The following INTS9 variants were observed in gnomAD, a reference collection of about 807,000 sequenced individuals.
The protein encoded by INTS9 is protein related to CPSF subunits of 74 kDa.
A neutral mutation model predicts 79.7 loss-of-function variants in INTS9; 55 were observed. The observed-to-expected ratio is 0.69, with a 90% CI of 0.56 to 0.86. INTS9 has a LOEUF of 0.86. Among genes scored for constraint, INTS9 ranks in the 40% least tolerant of loss-of-function variants. The pLI is 0.00. For missense variants in INTS9, 721 were observed against 831.5 expected, an observed-to-expected ratio of 0.87 and a Z score of 1.64; for synonymous variants, 319 against 325.2, an observed-to-expected ratio of 0.98 and a Z score of 0.20.
At chr8:28,847,826 G>A (rs1179407010) in intron 3 of INTS9, among the ~76,000 whole-genome samples, 1 of 152,168 alleles carries the variant, frequency 6.6e-6, no homozygotes, top group Non-Finnish European at 1.5e-5. Flanking sequence ...CATACAACTT[G>A]GGGCAACTGG....
intron 6 of INTS9, among the ~76,000 whole-genome samples, chr8:28,822,564 G>GA (rs1441785531): frequency 2.6e-5 from 4 of 151,846 alleles, no homozygotes; most frequent in Admixed American, 6.6e-5. Context: ...GTTCTAAATT[G>GA]AAAGGGCCCA....
intron 2 of INTS9, among the ~76,000 whole-genome samples, chr8:28,854,393 C>T (rs754422028): frequency 6.6e-6 from 1 of 151,728 alleles, no homozygotes; most frequent in Non-Finnish European, 1.5e-5. Flanking sequence ...GACAGGGGTA[C>T]GCAGGAGGTG....
intron 13 of INTS9, 73 bp downstream of exon 13, chr8:28,777,756 C>T (rs1802979061): frequency 6.7e-7 from 1 of 1,492,686 alleles, no homozygotes; most frequent in Non-Finnish European, 8.9e-7. Context: ...TCTCTCTCCC[C>T]TCACCCCACA....
intron 12 of INTS9, among the ~76,000 whole-genome samples, chr8:28,779,155 A>G (rs1366963271): frequency 1.3e-5 from 2 of 152,190 alleles, no homozygotes; most frequent in African/African-American, 4.8e-5. Flanking sequence ...AGCAGGAGAC[A>G]CCAACCTCAG....
In INTS9 at chr8:28,790,944, A is replaced by C. The variant is rs146609977; in HGVS notation, c.1037+2863T>G. On this transcript the variant is annotated intron_variant, in intron 10 of 16. Coordinates refer to ENST00000521022, the MANE Select transcript of INTS9 (RefSeq NM_018250.4). ...GACAAAACCAAACTAAGCTAACCAC[A>C]CTTGCTGTATGAACCTACCCTTCCT... is the stretch of plus-strand genomic sequence containing the variant. Among the ~76,000 whole-genome samples, 313 of 152,216 alleles carry C rather than the reference A, an allele frequency of 2.1e-3. 1 individual carries two copies. Among genetic ancestry groups the C allele is most frequent in the African/African-American group, 7.2e-3 (299 of 41,532 alleles).
intron 1 of INTS9, among the ~76,000 whole-genome samples, chr8:28,884,168 CTTTTTTTTTTTT>C (rs35799882): frequency 7.1e-3 from 334 of 46,986 alleles, no homozygotes; most frequent in Middle Eastern, 0.029. Context: ...ATCAGTGTAT[CTTTTTTTTTTTT>C]TTTTTTTTTT....
chr8:28,850,126 G>T, intron 3 of INTS9, 87 bp downstream of exon 3: 2 of 971,904 alleles, frequency 2.1e-6, no homozygotes, highest in African/African-American at 1.7e-5. Flanking sequence ...AAAGCCATCA[G>T]TCACACTACT....
intron 8 of INTS9, among the ~76,000 whole-genome samples, chr8:28,807,054 A>G (rs1804854463): frequency 6.6e-6 from 1 of 152,244 alleles, no homozygotes; most frequent in Admixed American, 6.5e-5. Context: ...AATAAAATCA[A>G]TAATACAGAC....
At chr8:28,770,344 C>T (rs1802458281) in intron 15 of INTS9, among the ~76,000 whole-genome samples, 1 of 152,246 alleles carries the variant, frequency 6.6e-6, no homozygotes, top group South Asian at 2.1e-4. Context: ...TGTCGTGCTG[C>T]AGGTACATCA....
chr8:28,884,519 T>G (rs889161928), intron 1 of INTS9, among the ~76,000 whole-genome samples: 1 of 152,142 alleles, frequency 6.6e-6, no homozygotes, highest in Non-Finnish European at 1.5e-5. Context: ...TATAAAATAT[T>G]TAATCTTCAG....
At chr8:28,859,724 T>G in intron 1 of INTS9, 161 bp from the exon 2 acceptor site, 1 of 775,682 alleles carries the variant, frequency 1.3e-6, no homozygotes, top group Non-Finnish European at 2.2e-6. Context: ...TGGGGACTAC[T>G]TTCCCTAGCC....
intron 2 of INTS9, among the ~76,000 whole-genome samples, chr8:28,858,776 T>C (rs1157451632): frequency 6.6e-6 from 1 of 152,248 alleles, no homozygotes; most frequent in Non-Finnish European, 1.5e-5. Context: ...CTGCTTTAGA[T>C]AGCTTTTCCA....
intron 8 of INTS9, among the ~76,000 whole-genome samples, chr8:28,808,225 T>C (rs1403459691): frequency 6.6e-6 from 1 of 151,174 alleles, no homozygotes; most frequent in Non-Finnish European, 1.5e-5. Context: ...ACGGAGTCTC[T>C]CTCTGTTGCC....
intron 8 of INTS9, among the ~76,000 whole-genome samples, chr8:28,806,145 G>T (rs1563263476): frequency 6.6e-6 from 1 of 152,200 alleles, no homozygotes; most frequent in East Asian, 1.9e-4. Context: ...TGGGAGGACT[G>T]CTTGAACTGC....
At chr8:28,889,042 TGG>T (rs1810391810) in intron 1 of INTS9, among the ~76,000 whole-genome samples, 1 of 152,178 alleles carries the variant, frequency 6.6e-6, no homozygotes, top group African/African-American at 2.4e-5. Context: ...GACAATAACT[TGG>T]CTGCACAAAT....
rs1473125256 is a variant in INTS9, at chr8:28,812,419, A to G, written c.652T>C (p.Tyr218His). 5 of 1,614,134 alleles carry G rather than the reference A, an allele frequency of 3.1e-6. No individual in the cohort carries two copies. The highest frequency in any genetic ancestry group is 4.2e-6 in the Non-Finnish European group (5 of 1,179,960). ...ATCCAGTTGGAGCTCCCAAGGGCAT[A>G]GCCAGAGCTCAGAGGAGTCACCTGG... ...AVQVTPLSSG[Y>H]ALGSSNWIIQ... Residue 218 changes from tyrosine to histidine, a missense_variant, in exon 8 of 17, where the codon TAT becomes CAT. Tyr to His is a moderately conservative substitution (Grantham distance 83, BLOSUM62 2). This residue lies in a region of INTS9 where 291 missense variants were observed against 307.0 expected (regional missense o/e 0.95). Coordinates refer to ENST00000521022, the MANE Select transcript of INTS9 (RefSeq NM_018250.4).
chr8:28,860,612 G>A (rs1322032713), intron 1 of INTS9, among the ~76,000 whole-genome samples: 1 of 152,158 alleles, frequency 6.6e-6, no homozygotes, highest in African/African-American at 2.4e-5. Flanking sequence ...AAGTAGCTGG[G>A]ATTACAGGTG....
At chr8:28,805,353 A>AG (rs543285441) in intron 8 of INTS9, among the ~76,000 whole-genome samples, 75 of 152,286 alleles carry the variant, frequency 4.9e-4, no homozygotes, top group South Asian at 8.3e-4. Flanking sequence ...TTTAAATGTG[A>AG]GAAAAAAATT....
chr8:28,768,461 A>G (rs1802336496), intron 16 of INTS9, 139 bp from the exon 17 acceptor site: 2 of 754,002 alleles, frequency 2.7e-6, no homozygotes, highest in Non-Finnish European at 4.5e-6. Context: ...TCATAGGCCT[A>G]TGATAGTGAT....
Sources: allele counts gnomAD v4.1 joint callset (sites outside exome capture counted in the v4.1 genomes callset), GRCh38; gene constraint gnomAD v4.1.1; regional missense constraint gnomAD v4.1.1; transcripts MANE v1.5; gene names NCBI Gene and HGNC (gene_info 2026-07-23, HGNC 2026-07-21).